Variants in SAMMSON observed in about 807,000 individuals in gnomAD.
SAMMSON encodes the protein long intergenic non-protein coding RNA 1212.
Position 70,347,898 on chromosome 3 carries a change from C to T in SAMMSON, n.740-6277C>T, listed in dbSNP as rs546080640. Among the ~76,000 whole-genome samples the T allele has an allele frequency of 8.5e-5, 13 of 152,232 alleles. No individual in the cohort carries two copies. The East Asian group carries it at 2.3e-3, about 27-fold the overall frequency. Reference sequence around the variant, plus strand: ...TCTCTACCCAAAATACAAAAATTAGCCAGGCGTGGTGGTATATGCCTATAA... The same window carrying T: ...TCTCTACCCAAAATACAAAAATTAGTCAGGCGTGGTGGTATATGCCTATAA... On this transcript the variant is annotated intron_variant and non_coding_transcript_variant, in intron 7 of 9. Transcript: ENST00000642114.
At chr3:70,337,177 T>TCTAACTTAATATAATATTAA (rs1702671422) in intron 7 of SAMMSON, among the ~76,000 whole-genome samples, 1 of 126,216 alleles carries the variant, frequency 7.9e-6, no homozygotes, top group African/African-American at 2.9e-5. Flanking sequence ...TAATATAATA[T>TCTAACTTAATATAATATTAA]TAATAATATG....
At chr3:70,062,262 A>G (rs2067193428) in intron 3 of SAMMSON, among the ~76,000 whole-genome samples, 1 of 151,874 alleles carries the variant, frequency 6.6e-6, no homozygotes, top group African/African-American at 2.4e-5. Flanking sequence ...CCCTCTCCCC[A>G]TGGCATGCTC....
chr3:70,091,731 A>G (rs1457412868), intron 4 of SAMMSON, among the ~76,000 whole-genome samples: 1 of 152,216 alleles, frequency 6.6e-6, no homozygotes, highest in Admixed American at 6.5e-5. Context: ...TCCAGAAACT[A>G]GAGACTCATA....
intron 4 of SAMMSON, among the ~76,000 whole-genome samples, chr3:70,131,448 GA>G (rs2067482316): frequency 2.0e-5 from 3 of 152,176 alleles, no homozygotes; most frequent in Non-Finnish European, 4.4e-5. Context: ...ACTATGAAAT[GA>G]ACATGATTGG....
chr3:70,221,021 T>C (rs1701456884), intron 4 of SAMMSON, among the ~76,000 whole-genome samples: 1 of 152,204 alleles, frequency 6.6e-6, no homozygotes, highest in African/African-American at 2.4e-5. Context: ...GCTAGTCTAT[T>C]TGCTTTTTCC....
At chr3:70,278,699 A>C (rs1335379803) in intron 6 of SAMMSON, among the ~76,000 whole-genome samples, 2 of 152,102 alleles carry the variant, frequency 1.3e-5, no homozygotes, top group Non-Finnish European at 2.9e-5. Flanking sequence ...GGCATATCCA[A>C]CCTGGTTGGA....
At chr3:70,035,933 T>C (rs751358418) in intron 3 of SAMMSON, among the ~76,000 whole-genome samples, 2 of 152,140 alleles carry the variant, frequency 1.3e-5, no homozygotes, top group Non-Finnish European at 2.9e-5. Flanking sequence ...TACAGAATTA[T>C]AGTTAGAAAG....
chr3:70,074,712 C>T (rs1196774702), intron 4 of SAMMSON, among the ~76,000 whole-genome samples: 2 of 152,024 alleles, frequency 1.3e-5, no homozygotes, highest in African/African-American at 2.4e-5. Flanking sequence ...TAGATAGCCT[C>T]CTCTCTGGTT....
At chr3:70,290,890 G>A (rs1702231225) in intron 6 of SAMMSON, among the ~76,000 whole-genome samples, 1 of 152,174 alleles carries the variant, frequency 6.6e-6, no homozygotes, top group South Asian at 2.1e-4. Context: ...CGCTTCCCGA[G>A]TGAGGCAATG....
At chr3:70,064,025 T>C (rs2067200656) in intron 3 of SAMMSON, among the ~76,000 whole-genome samples, 1 of 152,118 alleles carries the variant, frequency 6.6e-6, no homozygotes. Flanking sequence ...ATACATCCAC[T>C]TTACATTTCA....
At chr3:70,271,250 G>A (rs6549319) in intron 6 of SAMMSON, among the ~76,000 whole-genome samples, 49,403 of 151,908 alleles carry the variant, frequency 0.33, 8,504 homozygotes, top group East Asian at 0.49. Flanking sequence ...GCAAACTCAA[G>A]ATGACCAGGA....
chr3:70,386,843 T>C (rs150426909), intron 9 of SAMMSON, among the ~76,000 whole-genome samples: 1 of 151,856 alleles, frequency 6.6e-6, no homozygotes, highest in South Asian at 2.1e-4. Flanking sequence ...TGAAAAAAAA[T>C]GACACACAAG....
intron 4 of SAMMSON, among the ~76,000 whole-genome samples, chr3:70,222,086 T>C (rs1166948726): frequency 1.3e-5 from 2 of 152,130 alleles, no homozygotes; most frequent in Non-Finnish European, 2.9e-5. Flanking sequence ...ACCCACCCTT[T>C]ATCCTTTAGG....
intron 6 of SAMMSON, among the ~76,000 whole-genome samples, chr3:70,250,544 A>G (rs1043614696): frequency 1.3e-5 from 2 of 152,168 alleles, no homozygotes; most frequent in African/African-American, 4.8e-5. Context: ...CTAATACTTA[A>G]AAGAAAAACC....
At chr3:70,320,010 C>T (rs1427475901) in intron 7 of SAMMSON, among the ~76,000 whole-genome samples, 8 of 151,770 alleles carry the variant, frequency 5.3e-5, no homozygotes, top group South Asian at 2.1e-4. Flanking sequence ...ACATGGTGTC[C>T]GAGTACCAGT....
intron 1 of SAMMSON, among the ~76,000 whole-genome samples, chr3:70,009,862 G>T (rs886562361): frequency 6.7e-6 from 1 of 150,204 alleles, no homozygotes; most frequent in Non-Finnish European, 1.5e-5. Flanking sequence ...TGGTGTCAAA[G>T]AACATCTTTA....
chr3:70,070,185 A>G (rs1373778790), intron 3 of SAMMSON: 2 of 152,194 alleles, frequency 1.3e-5, no homozygotes, highest in South Asian at 2.1e-4. Context: ...TTGTAAAAAT[A>G]AGAGAGTTAT....
intron 6 of SAMMSON, among the ~76,000 whole-genome samples, chr3:70,259,958 A>T (rs1701850473): frequency 1.3e-5 from 2 of 151,994 alleles, no homozygotes; most frequent in African/African-American, 2.4e-5. Context: ...TTATAAAACC[A>T]TCAGATCTCA....
chr3:70,181,999 TCA>T (rs1269916190), intron 4 of SAMMSON, among the ~76,000 whole-genome samples: 2 of 152,052 alleles, frequency 1.3e-5, no homozygotes, highest in African/African-American at 4.8e-5. Context: ...GTCTTCAGAA[TCA>T]CAGGGTTTAG....
Sources: allele counts gnomAD v4.1 joint callset (sites outside exome capture counted in the v4.1 genomes callset), GRCh38; gene constraint gnomAD v4.1.1; transcripts MANE v1.5; gene names NCBI Gene and HGNC (gene_info 2026-07-23, HGNC 2026-07-21).